The following CCSER1 variants were observed in gnomAD, a reference collection of about 807,000 sequenced individuals.
CCSER1 encodes the protein coiled-coil serine rich protein 1, also known as serine-rich coiled-coil domain-containing protein 1.
Under a neutral mutation model 82.0 loss-of-function variants are expected in CCSER1, and 41 were observed. The observed-to-expected ratio is 0.50, with a 90% CI of 0.39 to 0.65. CCSER1 has a LOEUF of 0.65. CCSER1 is among the 30% of genes least tolerant of loss of function. The probability of loss-of-function intolerance (pLI) is 0.00; values close to 1 mark genes in which losing one functional copy is unlikely to be tolerated. For missense variants in CCSER1, 1,119 were observed against 1,064.2 expected (o/e 1.05, Z -0.72); for synonymous variants, 414 against 383.9 (o/e 1.08, Z -0.92).
At chr4:91,272,071 G>T (rs1320354441) in intron 10 of CCSER1, among the ~76,000 whole-genome samples, 1 of 152,142 alleles carries the variant, frequency 6.6e-6, no homozygotes, top group Non-Finnish European at 1.5e-5. Flanking sequence ...TGCTATAAAC[G>T]TGTGTACAAG....
At chr4:90,897,780 CA>C (rs989834274) in intron 8 of CCSER1, among the ~76,000 whole-genome samples, 7 of 151,930 alleles carry the variant, frequency 4.6e-5, no homozygotes, top group African/African-American at 1.7e-4. Flanking sequence ...ATATGTATAC[CA>C]ACATTTGTTA....
At chr4:91,169,857 G>A (rs961763371) in intron 10 of CCSER1, among the ~76,000 whole-genome samples, 9 of 151,886 alleles carry the variant, frequency 5.9e-5, no homozygotes, top group South Asian at 2.1e-4. Context: ...CCATTTTCTT[G>A]CATGATAGAA....
chr4:91,336,207 A>G (rs1022546945), intron 10 of CCSER1, among the ~76,000 whole-genome samples: 2 of 152,184 alleles, frequency 1.3e-5, no homozygotes, highest in East Asian at 3.8e-4. Flanking sequence ...CATACTGCCC[A>G]GCATAGTTAT....
chr4:90,235,174 G>A (rs558689666), intron 1 of CCSER1: 3 of 152,578 alleles, frequency 2.0e-5, no homozygotes, highest in Non-Finnish European at 4.4e-5. Context: ...AACACTGCAA[G>A]CCCTGCTGCT....
intron 7 of CCSER1, chr4:90,724,704 G>T (rs72875625): frequency 2.0e-5 from 7 of 347,800 alleles, no homozygotes; most frequent in Admixed American, 1.0e-4. Flanking sequence ...AACTTAAAAC[G>T]TTGGGATGAT....
At chr4:90,185,473 A>G (rs1734449528) in intron 1 of CCSER1, among the ~76,000 whole-genome samples, 2 of 152,096 alleles carry the variant, frequency 1.3e-5, no homozygotes, top group South Asian at 4.1e-4. Flanking sequence ...AATGTACAAT[A>G]TGGATACGTG....
At chr4:91,199,418 G>A (rs1560510879) in intron 10 of CCSER1, among the ~76,000 whole-genome samples, 1 of 152,074 alleles carries the variant, frequency 6.6e-6, no homozygotes. Context: ...ATATTTCTTA[G>A]TTTCTAATTT....
chr4:91,132,230 T>C (rs1183640425), intron 10 of CCSER1, among the ~76,000 whole-genome samples: 3 of 152,116 alleles, frequency 2.0e-5, no homozygotes, highest in Non-Finnish European at 4.4e-5. Flanking sequence ...ATGACCTTGG[T>C]GACTATAAAT....
chr4:90,924,872 A>G (rs1581102336), intron 9 of CCSER1, among the ~76,000 whole-genome samples: 2 of 151,894 alleles, frequency 1.3e-5, no homozygotes, highest in East Asian at 3.9e-4. Context: ...GATTGCAAGC[A>G]CCCGTCATCA....
chr4:90,782,002 A>G (rs893195404), intron 7 of CCSER1: 2 of 865,922 alleles, frequency 2.3e-6, no homozygotes, highest in African/African-American at 3.7e-5. Context: ...TTTCTATTAT[A>G]AAGTATTTTC....
chr4:90,454,866 G>T (rs148039772), intron 4 of CCSER1, among the ~76,000 whole-genome samples: 5 of 152,108 alleles, frequency 3.3e-5, no homozygotes, highest in Non-Finnish European at 7.3e-5. Context: ...CTTAAGTTCC[G>T]TAGAGAAAAG....
At chr4:91,143,668 A>AT (rs1487769694) in intron 10 of CCSER1, among the ~76,000 whole-genome samples, 2 of 151,892 alleles carry the variant, frequency 1.3e-5, no homozygotes, top group Non-Finnish European at 2.9e-5. Flanking sequence ...TTTCTTTAGT[A>AT]TTTTTTTAAT....
intron 4 of CCSER1, among the ~76,000 whole-genome samples, chr4:90,459,262 T>C (rs932118551): frequency 2.0e-5 from 3 of 152,192 alleles, no homozygotes; most frequent in Non-Finnish European, 4.4e-5. Flanking sequence ...AAGTATGAAC[T>C]GGACATCTGT....
intron 3 of CCSER1, among the ~76,000 whole-genome samples, chr4:90,382,376 C>G (rs1173947322): frequency 1.3e-5 from 2 of 151,756 alleles, no homozygotes; most frequent in African/African-American, 4.8e-5. Flanking sequence ...TAAACTAATC[C>G]TTCAAAGACT....
intron 4 of CCSER1, among the ~76,000 whole-genome samples, chr4:90,414,828 A>C (rs111955455): frequency 1.3e-5 from 2 of 152,220 alleles, no homozygotes; most frequent in Non-Finnish European, 2.9e-5. Flanking sequence ...GTTATGAACT[A>C]TACAATTTGT....
At chr4:90,575,414 G>C (rs1336212215) in intron 5 of CCSER1, among the ~76,000 whole-genome samples, 1 of 152,114 alleles carries the variant, frequency 6.6e-6, no homozygotes, top group African/African-American at 2.4e-5. Flanking sequence ...GACAAACCCA[G>C]TCCCTTCCTC....
At chr4:90,393,033 A>G (rs745695628) in intron 3 of CCSER1, among the ~76,000 whole-genome samples, 9 of 152,128 alleles carry the variant, frequency 5.9e-5, no homozygotes, top group South Asian at 4.1e-4. Context: ...AGTGTGTACA[A>G]CTCAACTTTT....
intron 7 of CCSER1, among the ~76,000 whole-genome samples, chr4:90,810,580 T>G (rs61407958): frequency 0.34 from 51,357 of 151,280 alleles, 8,908 homozygotes; most frequent in East Asian, 0.42. Context: ...GGGAGGCAGA[T>G]GTTGCGGTGA....
intron 10 of CCSER1, among the ~76,000 whole-genome samples, chr4:91,441,152 G>T (rs1284301761): frequency 6.6e-6 from 1 of 152,070 alleles, no homozygotes; most frequent in South Asian, 2.1e-4. Context: ...CCAAAGCCAG[G>T]CAGAGACACA....
Sources: allele counts gnomAD v4.1 joint callset (sites outside exome capture counted in the v4.1 genomes callset), GRCh38; gene constraint gnomAD v4.1.1; transcripts MANE v1.5; gene names NCBI Gene and HGNC (gene_info 2026-07-23, HGNC 2026-07-21).